Variants in DOCK3 observed in about 807,000 individuals in gnomAD.
DOCK3 encodes the protein dedicator of cytokinesis 3.
DOCK3 carries 60 observed loss-of-function variants against 265.6 expected under a neutral mutation model. The ratio of observed to expected loss-of-function variants is 0.23; its 90% CI spans 0.18 to 0.28. The LOEUF (loss-of-function observed/expected upper bound fraction) is 0.28. DOCK3 is among the 10% of genes least tolerant of loss of function. The pLI, the probability that DOCK3 is intolerant of heterozygous loss-of-function variation, is 1.00. For synonymous variants in DOCK3, 881 were observed against 938.0 expected (o/e 0.94, Z 1.11); for missense variants, 1,981 against 2,594.3 (o/e 0.76, Z 5.14).
At chr3:50,700,108 C>T (rs1418754165) in intron 1 of DOCK3, among the ~76,000 whole-genome samples, 4 of 151,986 alleles carry the variant, frequency 2.6e-5, no homozygotes, top group East Asian at 1.9e-4. Flanking sequence ...GTGAAACCCC[C>T]GTCTCTACTA....
At chr3:51,169,146 A>C (rs906163901) in intron 12 of DOCK3, among the ~76,000 whole-genome samples, 5 of 152,238 alleles carry the variant, frequency 3.3e-5, no homozygotes, top group African/African-American at 4.8e-5. Flanking sequence ...TGTGAGTATA[A>C]ATTAGTTCAA....
intron 6 of DOCK3, among the ~76,000 whole-genome samples, chr3:51,073,552 T>G (rs1264018799): frequency 6.6e-6 from 1 of 152,224 alleles, no homozygotes; most frequent in Non-Finnish European, 1.5e-5. Flanking sequence ...TTAAATGCAT[T>G]AACTTCAATT....
At chr3:51,073,023 T>C (rs965289620) in intron 6 of DOCK3, among the ~76,000 whole-genome samples, 4 of 152,088 alleles carry the variant, frequency 2.6e-5, no homozygotes, top group African/African-American at 9.7e-5. Context: ...AACACCTATT[T>C]TGATTATATT....
intron 4 of DOCK3, among the ~76,000 whole-genome samples, chr3:50,930,467 A>C (rs938212088): frequency 3.3e-5 from 5 of 152,164 alleles, no homozygotes; most frequent in Admixed American, 2.6e-4. Context: ...AGCTGTGCCC[A>C]AAACGATGGG....
chr3:51,206,137 A>G lies in DOCK3; in HGVS notation c.1038-2637A>G, dbSNP rs1032558187. 7.2e-5 allele frequency among the ~76,000 whole-genome samples: 11 copies of G among 152,222 alleles called. No homozygotes were observed. The South Asian group carries it at 2.3e-3, about 32-fold the overall frequency. ...TTAAGATAAATCTAGTAATGATTTC[A>G]TAAGATGACCATAATGCAGAATGTT... On this transcript the variant is annotated intron_variant, in intron 12 of 52. Coordinates refer to ENST00000266037, the MANE Select transcript of DOCK3 (RefSeq NM_004947.5).
intron 6 of DOCK3, among the ~76,000 whole-genome samples, chr3:51,074,899 C>G (rs563531921): frequency 6.6e-6 from 1 of 152,056 alleles, no homozygotes; most frequent in Non-Finnish European, 1.5e-5. Context: ...AGATACATCT[C>G]TTTGCATTTA....
At chr3:51,006,869 C>T (rs1183052964) in intron 5 of DOCK3, among the ~76,000 whole-genome samples, 2 of 152,206 alleles carry the variant, frequency 1.3e-5, no homozygotes, top group South Asian at 2.1e-4. Context: ...TGAGAACATG[C>T]GGTATTTGGT....
At chr3:50,799,176 A>G (rs1250792642) in intron 2 of DOCK3, among the ~76,000 whole-genome samples, 1 of 152,140 alleles carries the variant, frequency 6.6e-6, no homozygotes, top group African/African-American at 2.4e-5. Flanking sequence ...CTTTTTGCCC[A>G]AGATTGCTTT....
In DOCK3 at chr3:50,675,345, G is replaced by A. The variant is rs2033857674; in HGVS notation, c.37+45G>A. The A allele has an allele frequency of 2.5e-6, 3 of 1,202,290 alleles. No individual in the cohort carries two copies. Among genetic ancestry groups the A allele is most frequent in the East Asian group, 3.8e-5 (1 of 26,510 alleles). 74.5% of individuals were successfully genotyped at this position (1,202,290 alleles called of 1,614,324 possible). A position where few individuals can be genotyped will look rare whatever the true frequency, so the allele number is the denominator to read the frequency against. ...GGCCGTGGCGGGGGTTCTGGGGGACGCGCCCAGCTCCCGGCCCCGCCTGGA... is the reference window on the plus strand; with the variant it reads ...GGCCGTGGCGGGGGTTCTGGGGGACACGCCCAGCTCCCGGCCCCGCCTGGA... On this transcript the variant is annotated intron_variant, in intron 1 of 52. Transcript: ENST00000266037. The surrounding 1 kb of genome is among the most constrained non-coding windows in gnomAD (Gnocchi z 6.1).
intron 5 of DOCK3, among the ~76,000 whole-genome samples, chr3:50,977,570 C>T (rs1055073235): frequency 6.6e-6 from 1 of 152,154 alleles, no homozygotes; most frequent in Non-Finnish European, 1.5e-5. Context: ...TTTGGCTACC[C>T]TTAACATTTT....
At chr3:50,701,654 T>C (rs1392790204) in intron 1 of DOCK3, among the ~76,000 whole-genome samples, 5 of 152,166 alleles carry the variant, frequency 3.3e-5, no homozygotes, top group Admixed American at 3.3e-4. Context: ...TCATAAAATC[T>C]TTGTGTAGAC....
chr3:50,962,745 A>G (rs75848843), intron 5 of DOCK3, among the ~76,000 whole-genome samples: 13,723 of 152,252 alleles, frequency 0.09, 752 homozygotes, highest in Middle Eastern at 0.18. Context: ...TTTCTTATAC[A>G]TGCTTTCATC....
In DOCK3 at chr3:51,382,456, G is replaced by C. The variant is rs2088711821; in HGVS notation, c.*897G>C. 6.6e-6 allele frequency: 1 copy of C among 152,668 alleles called. No homozygotes were observed. The highest frequency in any genetic ancestry group is 2.1e-4 in the South Asian group (1 of 4,834). The allele number at this position is 152,668 out of a possible 1,614,324, so 9.5% of individuals were successfully genotyped here. On this transcript the variant is annotated 3_prime_UTR_variant, in exon 53 of 53. Coordinates refer to ENST00000266037, the MANE Select transcript of DOCK3 (RefSeq NM_004947.5). ...ATGTGGTAGAGAGACTGGTGTAAGA[G>C]TGTGGGGTGTGGCAGGCGCCGGAAA...
At chr3:50,677,764 G>A (rs956472474) in intron 1 of DOCK3, among the ~76,000 whole-genome samples, 2 of 152,176 alleles carry the variant, frequency 1.3e-5, no homozygotes, top group African/African-American at 4.8e-5. Flanking sequence ...CATTGATAAG[G>A]CTTTGAGATC....
chr3:51,315,497 G>A (rs1399718718), intron 32 of DOCK3, among the ~76,000 whole-genome samples: 1 of 152,146 alleles, frequency 6.6e-6, no homozygotes, highest in Non-Finnish European at 1.5e-5. Context: ...GCCCAGACCA[G>A]ATGACTTCTC....
intron 5 of DOCK3, among the ~76,000 whole-genome samples, chr3:50,945,230 A>T (rs1463791216): frequency 6.6e-6 from 1 of 152,108 alleles, no homozygotes; most frequent in Non-Finnish European, 1.5e-5. Flanking sequence ...TGTGTGTACT[A>T]CTGTAGGGTG....
At chr3:50,957,300 A>G (rs1559861236) in intron 5 of DOCK3, among the ~76,000 whole-genome samples, 2 of 152,250 alleles carry the variant, frequency 1.3e-5, no homozygotes, top group Non-Finnish European at 2.9e-5. Context: ...AGGTACTGAT[A>G]TTGAAGTTCA....
At chr3:50,910,081 C>T (rs1412608277) in intron 4 of DOCK3, among the ~76,000 whole-genome samples, 1 of 152,028 alleles carries the variant, frequency 6.6e-6, no homozygotes, top group Non-Finnish European at 1.5e-5. Context: ...GTCAGTTATG[C>T]TCCTTTCTAA....
chr3:51,139,688 G>A (rs533018169), intron 9 of DOCK3, among the ~76,000 whole-genome samples: 1 of 152,308 alleles, frequency 6.6e-6, no homozygotes, highest in South Asian at 2.1e-4. Context: ...ATTAGTTTGT[G>A]CTACATGCTG....
Sources: allele counts gnomAD v4.1 joint callset (sites outside exome capture counted in the v4.1 genomes callset), GRCh38; gene constraint gnomAD v4.1.1; non-coding constraint Gnocchi (gnomAD v3.1); transcripts MANE v1.5; gene names NCBI Gene and HGNC (gene_info 2026-07-23, HGNC 2026-07-21).